Variants in KIAA1549L observed in about 807,000 individuals in gnomAD.
KIAA1549L encodes KIAA1549 like.
In KIAA1549L, 88 loss-of-function variants were observed where a neutral mutation model predicts 160.7. That is an observed-to-expected ratio of 0.55 (90% confidence interval 0.46 to 0.65). KIAA1549L has a LOEUF of 0.65. KIAA1549L is among the 30% of genes least tolerant of loss of function. The pLI is 0.00. For synonymous variants in KIAA1549L, 950 were observed against 976.7 expected (o/e 0.97, Z 0.51); for missense variants, 2,258 against 2,437.5 (o/e 0.93, Z 1.55).
intron 8 of KIAA1549L, among the ~76,000 whole-genome samples, chr11:33,564,987 C>T (rs1402748706): frequency 2.0e-5 from 3 of 152,168 alleles, no homozygotes; most frequent in Admixed American, 6.5e-5. Context: ...ATCTTCTGGA[C>T]AAAGCTTCAT....
At chr11:33,659,313 T>C (rs1318787450) in intron 19 of KIAA1549L, among the ~76,000 whole-genome samples, 1 of 152,270 alleles carries the variant, frequency 6.6e-6, no homozygotes, top group East Asian at 1.9e-4. Flanking sequence ...TAATGTTTAA[T>C]GTATTTGAAA....
intron 1 of KIAA1549L, among the ~76,000 whole-genome samples, chr11:33,516,650 C>T (rs562291142): frequency 3.9e-5 from 6 of 152,332 alleles, no homozygotes; most frequent in Non-Finnish European, 7.4e-5. Flanking sequence ...TAAATTCCCT[C>T]CTCTGCCTTT....
intron 1 of KIAA1549L, among the ~76,000 whole-genome samples, chr11:33,477,269 C>G (rs1027968427): frequency 6.6e-6 from 1 of 152,116 alleles, no homozygotes; most frequent in Non-Finnish European, 1.5e-5. Flanking sequence ...AGAATGCCCC[C>G]CACCACTTTT....
At chr11:33,415,715 C>T (rs1371957739) in intron 1 of KIAA1549L, among the ~76,000 whole-genome samples, 2 of 152,136 alleles carry the variant, frequency 1.3e-5, no homozygotes, top group Non-Finnish European at 2.9e-5. Context: ...ACCCTTATAT[C>T]CTTGAGCTTT....
chr11:33,550,922 C>T (rs774070839), intron 4 of KIAA1549L, 118 bp from the exon 5 acceptor site: 19 of 828,212 alleles, frequency 2.3e-5, no homozygotes, highest in Middle Eastern at 3.0e-4. Context: ...ATTTGTTGAA[C>T]GAGAACATTC....
intron 1 of KIAA1549L, among the ~76,000 whole-genome samples, chr11:33,428,985 T>C (rs1426660607): frequency 2.0e-5 from 3 of 152,202 alleles, no homozygotes; most frequent in African/African-American, 7.2e-5. Flanking sequence ...TGTTTTTTGT[T>C]TTTGAGGCAG....
intron 15 of KIAA1549L, 105 bp from the exon 16 acceptor site, chr11:33,618,428 G>T: frequency 1.0e-6 from 1 of 965,738 alleles, no homozygotes; most frequent in Non-Finnish European, 1.5e-6. Flanking sequence ...TGAGATTTGT[G>T]AGGCAAATCC....
intron 11 of KIAA1549L, among the ~76,000 whole-genome samples, chr11:33,586,068 AGAG>A (rs1450231936): frequency 6.6e-6 from 1 of 152,168 alleles, no homozygotes; most frequent in African/African-American, 2.4e-5. Context: ...AGTGTTGGAG[AGAG>A]GAGAGAGCTT....
At chr11:33,437,887 C>G (rs1413201178) in intron 1 of KIAA1549L, among the ~76,000 whole-genome samples, 4 of 152,098 alleles carry the variant, frequency 2.6e-5, no homozygotes, top group Non-Finnish European at 5.9e-5. Flanking sequence ...TGTCAATGGC[C>G]CAGACCAGAT....
chr11:33,530,437 A>T (rs1853735391), intron 1 of KIAA1549L, among the ~76,000 whole-genome samples: 2 of 3,192 alleles, frequency 6.3e-4, no homozygotes, highest in East Asian at 0.016. Context: ...AAAAAAAAAA[A>T]TATATATATA....
intron 1 of KIAA1549L, among the ~76,000 whole-genome samples, chr11:33,398,638 C>G (rs1689002184): frequency 6.6e-6 from 1 of 152,216 alleles, no homozygotes; most frequent in African/African-American, 2.4e-5. Context: ...CATTTTCGCT[C>G]ACTCTTCTTC....
intron 10 of KIAA1549L, among the ~76,000 whole-genome samples, chr11:33,578,706 C>A (rs568437758): frequency 6.6e-6 from 1 of 152,176 alleles, no homozygotes; most frequent in East Asian, 1.9e-4. Context: ...AGCCGTGTGG[C>A]CTGCGTTTCT....
chr11:33,630,066 T>C lies in KIAA1549L; in HGVS notation c.5409+11404T>C, dbSNP rs142680614. On this transcript the variant is annotated intron_variant, in intron 16 of 20. Coordinates refer to ENST00000658780, the MANE Select transcript of KIAA1549L (RefSeq NM_012194.3). The stretch of plus-strand genomic sequence containing the variant: ...GGACCGTGTGAGGTGTCAGTCTGCC[T>C]CTGCTGGGGGGTGCCTCCCACTTAG... Among the ~76,000 whole-genome samples the C allele has an allele frequency of 1.3e-3, 194 of 152,162 alleles. 2 individuals carry two copies. In the East Asian group the frequency reaches 0.035, roughly 27 times the overall value.
At position 33,394,390 on chromosome 11, in the gene KIAA1549L, ATAATAAATAAAT is replaced by A. The variant is rs1850327842; in HGVS notation, c.238+17502_238+17513del. On this transcript the variant is annotated intron_variant, in intron 1 of 20. Transcript: ENST00000658780. ...AACAGAGCCAGATCCTAACTCATAA[ATAATAAATAAAT>A]AAATAAATAAATAAATAAACAAACA... Among the ~76,000 whole-genome samples, 4 of 91,140 alleles carry A rather than the reference ATAATAAATAAAT, an allele frequency of 4.4e-5. No individual in the cohort carries two copies. In the South Asian group the frequency reaches 1.7e-3, roughly 38 times the overall value. 59.8% of individuals were successfully genotyped at this position (91,140 alleles called of 152,430 possible). A position where few individuals can be genotyped will look rare whatever the true frequency, so the allele number is the denominator to read the frequency against.
At chr11:33,453,631 G>C (rs1851765703) in intron 1 of KIAA1549L, among the ~76,000 whole-genome samples, 1 of 152,140 alleles carries the variant, frequency 6.6e-6, no homozygotes, top group Non-Finnish European at 1.5e-5. Context: ...CAAAAAGCAA[G>C]AGTTGTCGGG....
At chr11:33,662,581 C>T (rs1002365321) in intron 20 of KIAA1549L, among the ~76,000 whole-genome samples, 2 of 152,190 alleles carry the variant, frequency 1.3e-5, no homozygotes, top group Non-Finnish European at 2.9e-5. Flanking sequence ...AATTCCACTT[C>T]ATCTGAAAGT....
chr11:33,642,586 G>A (rs1418418044), intron 16 of KIAA1549L, among the ~76,000 whole-genome samples: 1 of 151,338 alleles, frequency 6.6e-6, no homozygotes, highest in Non-Finnish European at 1.5e-5. Context: ...GAGTGACGGG[G>A]TGAGTGGTTT....
intron 13 of KIAA1549L, among the ~76,000 whole-genome samples, chr11:33,602,110 C>T (rs1850381972): frequency 6.6e-6 from 1 of 152,212 alleles, no homozygotes; most frequent in South Asian, 2.1e-4. Flanking sequence ...CAAACAACCA[C>T]CTGCCTGAAC....
At chr11:33,667,401 T>A (rs1018520107) in intron 20 of KIAA1549L, among the ~76,000 whole-genome samples, 2 of 151,914 alleles carry the variant, frequency 1.3e-5, no homozygotes, top group Non-Finnish European at 2.9e-5. Context: ...AAATTACCTT[T>A]TTTTTTTTTG....
Sources: gnomAD v4.1 joint callset for allele counts (sites outside exome capture counted in the v4.1 genomes callset) on GRCh38, gnomAD v4.1.1 for gene constraint, MANE v1.5 for transcripts, NCBI Gene and HGNC (gene_info 2026-07-23, HGNC 2026-07-21) for gene names.